The following UNC13C variants were observed in gnomAD, a reference collection of about 807,000 sequenced individuals.
UNC13C encodes unc-13 homolog C.
Under a neutral mutation model 245.4 loss-of-function variants are expected in UNC13C, and 174 were observed. That is an observed-to-expected ratio of 0.71 (90% confidence interval 0.63 to 0.80). UNC13C has a LOEUF of 0.80. Ranked by LOEUF, UNC13C falls within the 30% of genes least tolerant of loss-of-function variation. The pLI is 0.00. For synonymous variants in UNC13C, 992 were observed against 895.1 expected, an observed-to-expected ratio of 1.11 and a Z score of -1.93; for missense variants, 2,829 against 2,602.9, an observed-to-expected ratio of 1.09 and a Z score of -1.89.
chr15:54,126,037 A>G (rs988829488), intron 2 of UNC13C, among the ~76,000 whole-genome samples: 3 of 152,250 alleles, frequency 2.0e-5, no homozygotes, highest in Non-Finnish European at 4.4e-5. Context: ...ATGTTCAAGT[A>G]ATCCAAAGCA....
the UNC13C span, among the ~76,000 whole-genome samples, chr15:53,870,308 A>T: frequency 2.6e-5 from 4 of 152,136 alleles, no homozygotes; most frequent in Non-Finnish European, 4.4e-5. Flanking sequence ...TTTTTCTATA[A>T]TATTAACATA....
chr15:54,033,242 T>A (rs1388373370), intron 2 of UNC13C, among the ~76,000 whole-genome samples: 1 of 151,852 alleles, frequency 6.6e-6, no homozygotes, highest in Non-Finnish European at 1.5e-5. Flanking sequence ...AAGATACAAA[T>A]AAAAAATACA....
chr15:54,356,220 G>A (rs922825672), intron 17 of UNC13C, among the ~76,000 whole-genome samples: 16 of 152,090 alleles, frequency 1.1e-4, no homozygotes, highest in Non-Finnish European at 2.4e-4. Flanking sequence ...ACTCATAAAA[G>A]TATGTATCAA....
chr15:54,213,189 T>G (rs967116624), intron 4 of UNC13C, among the ~76,000 whole-genome samples: 3 of 152,024 alleles, frequency 2.0e-5, no homozygotes, highest in Non-Finnish European at 4.4e-5. Context: ...AATGTTTACA[T>G]ATATTGAAGC....
intron 1 of UNC13C, among the ~76,000 whole-genome samples, chr15:54,006,973 G>A (rs911979414): frequency 6.6e-6 from 1 of 152,160 alleles, no homozygotes; most frequent in South Asian, 2.1e-4. Context: ...CTTCTCTGTT[G>A]CAGTGATTCT....
At position 54,478,352 on chromosome 15, in the gene UNC13C, GC is replaced by G. The variant is rs1892897068; in HGVS notation, c.4934-16255del. 2.5e-5 allele frequency among the ~76,000 whole-genome samples: 3 copies of G among 118,800 alleles called. 1 individual carries two copies. In the South Asian group the frequency reaches 9.0e-4, roughly 36 times the overall value. 77.9% of individuals were successfully genotyped at this position (118,800 alleles called of 152,430 possible). On this transcript the variant is annotated intron_variant, in intron 19 of 32. Transcript: ENST00000260323. The stretch of plus-strand genomic sequence containing the variant: ...TTTAGTTATTTCTTGCCTTCTGCTA[GC>G]TTTTGAATTTGTTTGTTCTTGCTTT...
At chr15:54,531,952 TCTTTA>T (rs1254899177) in intron 25 of UNC13C, among the ~76,000 whole-genome samples, 2 of 152,176 alleles carry the variant, frequency 1.3e-5, no homozygotes, top group East Asian at 1.9e-4. Context: ...GTGACTGGCT[TCTTTA>T]CTTAACACAA....
intron 19 of UNC13C, among the ~76,000 whole-genome samples, chr15:54,492,244 T>G (rs1372369134): frequency 6.6e-6 from 1 of 152,140 alleles, no homozygotes; most frequent in Non-Finnish European, 1.5e-5. Flanking sequence ...TCTCTATATG[T>G]GTTCTCAGAT....
intron 16 of UNC13C, among the ~76,000 whole-genome samples, chr15:54,335,469 A>G (rs2038549279): frequency 6.6e-6 from 1 of 152,126 alleles, no homozygotes; most frequent in South Asian, 2.1e-4. Context: ...GTTTTGACAA[A>G]TGTGTAGTCA....
At chr15:54,174,689 A>C (rs1323447791) in intron 4 of UNC13C, among the ~76,000 whole-genome samples, 1 of 152,216 alleles carries the variant, frequency 6.6e-6, no homozygotes, top group Admixed American at 6.5e-5. Context: ...AGCCTGGACC[A>C]TATAATAACT....
At chr15:53,917,872 C>A in the UNC13C span, among the ~76,000 whole-genome samples, 1 of 151,846 alleles carries the variant, frequency 6.6e-6, no homozygotes, top group Non-Finnish European at 1.5e-5. Flanking sequence ...TTTTTTTGCC[C>A]TTCCTAAATT....
At chr15:54,255,786 C>G (rs1317813750) in intron 8 of UNC13C, among the ~76,000 whole-genome samples, 1 of 152,192 alleles carries the variant, frequency 6.6e-6, no homozygotes, top group African/African-American at 2.4e-5. Flanking sequence ...AGCCCTTCCC[C>G]TTCAGGCACT....
chr15:53,948,201 T>C, the UNC13C span: 3 of 152,236 alleles, frequency 2.0e-5, no homozygotes, highest in Non-Finnish European at 4.4e-5. Flanking sequence ...GTTTACTCTT[T>C]TTATTTTTAG....
chr15:54,166,473 G>A (rs17732897), intron 4 of UNC13C, among the ~76,000 whole-genome samples: 12,349 of 151,710 alleles, frequency 0.081, 767 homozygotes, highest in African/African-American at 0.16. Context: ...TTCATTTTCT[G>A]TAAATTTTCA....
At chr15:53,894,752 A>G in the UNC13C span, among the ~76,000 whole-genome samples, 1 of 152,176 alleles carries the variant, frequency 6.6e-6, no homozygotes, top group East Asian at 1.9e-4. Flanking sequence ...ATATTTATTT[A>G]TTCATTTATT....
intron 2 of UNC13C, among the ~76,000 whole-genome samples, chr15:54,101,831 G>T (rs536106219): frequency 2.0e-5 from 3 of 151,664 alleles, no homozygotes; most frequent in Non-Finnish European, 4.4e-5. Context: ...TGATCCGCTC[G>T]CCTTGGCCTC....
chr15:54,483,836 C>T (rs1232177463), intron 19 of UNC13C, among the ~76,000 whole-genome samples: 1 of 152,146 alleles, frequency 6.6e-6, no homozygotes, highest in Non-Finnish European at 1.5e-5. Context: ...AAACACTCTC[C>T]CTACAATGCA....
chr15:54,570,862 G>A (rs575288952), intron 30 of UNC13C, among the ~76,000 whole-genome samples: 13 of 152,198 alleles, frequency 8.5e-5, no homozygotes, highest in East Asian at 7.7e-4. Context: ...TCTCTTTGGC[G>A]CCAAAGGAAA....
chr15:54,628,836 AGTGTAAATTACTTCAATTATT>A (rs1901366199), downstream of UNC13C: 1 of 152,114 alleles, frequency 6.6e-6, no homozygotes, highest in Admixed American at 6.6e-5. Context: ...TGCTGGTGGG[AGTGTAAATTACTTCAATTATT>A]GTAGAAAGCA....
Sources: gnomAD v4.1 joint callset for allele counts (sites outside exome capture counted in the v4.1 genomes callset) on GRCh38, gnomAD v4.1.1 for gene constraint, MANE v1.5 for transcripts, NCBI Gene and HGNC (gene_info 2026-07-23, HGNC 2026-07-21) for gene names.